The following GABPB1 variants were observed in gnomAD, a reference collection of about 807,000 sequenced individuals.
The protein encoded by GABPB1 is GA binding protein transcription factor subunit beta 1, also known as GA-binding protein subunit beta-1.
A neutral mutation model predicts 45.9 loss-of-function variants in GABPB1; 15 were observed. That is an observed-to-expected ratio of 0.33 (90% CI 0.22 to 0.50). The LOEUF is 0.50. GABPB1 is among the 20% of genes least tolerant of loss of function. GABPB1 has a pLI of 0.98. For synonymous variants in GABPB1, 143 were observed against 154.4 expected (o/e 0.93, Z 0.55); for missense variants, 252 against 457.5 (o/e 0.55, Z 4.10).
intron 2 of GABPB1, among the ~76,000 whole-genome samples, chr15:50,304,432 C>T (rs962094871): frequency 6.6e-6 from 1 of 152,058 alleles, no homozygotes; most frequent in South Asian, 2.1e-4. Flanking sequence ...ATATAGAGGC[C>T]GAACGTGGTG....
At chr15:50,322,411 T>C (rs1339373575) in intron 1 of GABPB1, among the ~76,000 whole-genome samples, 3 of 148,912 alleles carry the variant, frequency 2.0e-5, no homozygotes, top group Admixed American at 2.0e-4. Flanking sequence ...CCGGGCATGG[T>C]GGTGCATGCC....
intron 8 of GABPB1, 91 bp from the exon 9 acceptor site, chr15:50,278,875 A>C (rs2045892523): frequency 2.0e-6 from 2 of 1,008,664 alleles, no homozygotes; most frequent in Admixed American, 3.3e-5. Context: ...AAAAAAAAAA[A>C]CCGTAGTAGC....
At chr15:50,332,806 C>G (rs2047991860) in intron 1 of GABPB1, among the ~76,000 whole-genome samples, 1 of 152,064 alleles carries the variant, frequency 6.6e-6, no homozygotes, top group Non-Finnish European at 1.5e-5. Context: ...ATCCTAGACT[C>G]TACCTATCCT....
intron 1 of GABPB1, among the ~76,000 whole-genome samples, chr15:50,310,927 A>T (rs1326699693): frequency 6.6e-6 from 1 of 151,252 alleles, no homozygotes; most frequent in Non-Finnish European, 1.5e-5. Flanking sequence ...CAGTGAGCCG[A>T]GATCATGCCA....
chr15:50,329,266 G>C (rs534728864), intron 1 of GABPB1, among the ~76,000 whole-genome samples: 39 of 152,298 alleles, frequency 2.6e-4, no homozygotes, highest in African/African-American at 9.1e-4. Context: ...TCAGTGGACA[G>C]AGCTAAGGAA....
At chr15:50,345,295 C>T (rs1005089029) in intron 1 of GABPB1, among the ~76,000 whole-genome samples, 2 of 152,152 alleles carry the variant, frequency 1.3e-5, no homozygotes, top group Non-Finnish European at 2.9e-5. Context: ...TCCTCTGAAG[C>T]GACAATCTGA....
At chr15:50,347,639 G>A (rs1402328678) in intron 1 of GABPB1, 1 of 152,110 alleles carries the variant, frequency 6.6e-6, no homozygotes, top group Non-Finnish European at 1.5e-5. Flanking sequence ...ATCATAATGA[G>A]AAGAATTGAC....
At chr15:50,300,951 A>G (rs1348660229) in intron 5 of GABPB1, 49 bp from the exon 6 acceptor site, 1 of 1,126,526 alleles carries the variant, frequency 8.9e-7, no homozygotes, top group African/African-American at 1.5e-5. Context: ...GCTTAATCCA[A>G]TGCATATTTC....
chr15:50,317,512 T>C (rs1293870948), intron 1 of GABPB1, among the ~76,000 whole-genome samples: 1 of 152,036 alleles, frequency 6.6e-6, no homozygotes, highest in Non-Finnish European at 1.5e-5. Flanking sequence ...TTTAATTTTT[T>C]TATAGCAAGC....
intron 6 of GABPB1, among the ~76,000 whole-genome samples, chr15:50,300,206 C>T (rs2046678491): frequency 6.6e-6 from 1 of 152,026 alleles, no homozygotes; most frequent in Non-Finnish European, 1.5e-5. Context: ...TTTTGTTTTT[C>T]AATTAGTTAC....
chr15:50,349,785 A>AT, intron 1 of GABPB1: 1 of 152,228 alleles, frequency 6.6e-6, no homozygotes, highest in Non-Finnish European at 1.5e-5. Context: ...AACACATTTA[A>AT]TTTTTTATTG....
intron 1 of GABPB1, among the ~76,000 whole-genome samples, chr15:50,337,126 TATA>T (rs201567767): frequency 0.043 from 334 of 7,718 alleles, 26 homozygotes; most frequent in South Asian, 0.14. Context: ...TATATATATA[TATA>T]ATATGAAGAG....
intron 1 of GABPB1, among the ~76,000 whole-genome samples, chr15:50,312,690 G>A (rs1242815048): frequency 2.6e-5 from 4 of 152,174 alleles, no homozygotes; most frequent in East Asian, 1.9e-4. Context: ...TTGGCTTTAC[G>A]ATGAAATTTA....
intron 1 of GABPB1, among the ~76,000 whole-genome samples, chr15:50,326,010 C>T (rs1348794734): frequency 1.3e-5 from 2 of 151,708 alleles, no homozygotes; most frequent in Non-Finnish European, 2.9e-5. Context: ...CAGGTTCAAG[C>T]GATTCTCCTG....
intron 1 of GABPB1, among the ~76,000 whole-genome samples, chr15:50,332,253 C>G (rs1308596982): frequency 6.6e-6 from 1 of 152,004 alleles, no homozygotes; most frequent in East Asian, 1.9e-4. Flanking sequence ...TATTTATTTC[C>G]TCTACTGATT....
chr15:50,349,636 C>T (rs915813460), intron 1 of GABPB1: 1 of 152,144 alleles, frequency 6.6e-6, no homozygotes, highest in African/African-American at 2.4e-5. Flanking sequence ...TGTTTCTCTA[C>T]TCAATTGATA....
intron 6 of GABPB1, among the ~76,000 whole-genome samples, chr15:50,293,601 A>G (rs1292277701): frequency 6.6e-6 from 1 of 152,234 alleles, no homozygotes; most frequent in Non-Finnish European, 1.5e-5. Context: ...TGATTTTTTC[A>G]AAAACTATCC....
Position 50,275,450 on chromosome 15 carries a change from A to T in GABPB1, c.*3182T>A, listed in dbSNP as rs1209239261. ...ATGCTCTCTGGCTTGCAATGGGGTT[A>T]TGTCCTGATAAACCCATCCTAAGTC... On this transcript the variant is annotated 3_prime_UTR_variant, in exon 9 of 9. Transcript: ENST00000380877. 6.6e-6 allele frequency: 1 copy of T among 152,226 alleles called. No homozygotes were observed. Among genetic ancestry groups the T allele is most frequent in the Non-Finnish European group, 1.5e-5 (1 of 68,026 alleles). The allele number at this position is 152,226 out of a possible 1,614,324, so 9.4% of individuals were successfully genotyped here.
intron 1 of GABPB1, chr15:50,349,071 A>C (rs545528109): frequency 6.6e-6 from 1 of 152,284 alleles, no homozygotes; most frequent in African/African-American, 2.4e-5. Context: ...TTCAATTCCA[A>C]AAATCCAAAA....
Sources: allele counts gnomAD v4.1 joint callset (sites outside exome capture counted in the v4.1 genomes callset), GRCh38; gene constraint gnomAD v4.1.1; transcripts MANE v1.5; gene names NCBI Gene and HGNC (gene_info 2026-07-23, HGNC 2026-07-21).